The following DNAH11 variants were observed in gnomAD, a reference collection of about 807,000 sequenced individuals.
DNAH11 encodes the protein dynein axonemal heavy chain 11.
Under a neutral mutation model 526.0 loss-of-function variants are expected in DNAH11, and 442 were observed. The observed-to-expected ratio is 0.84, with a 90% CI of 0.78 to 0.91. DNAH11 has a LOEUF of 0.91. Ranked by LOEUF, DNAH11 falls within the 40% of genes least tolerant of loss-of-function variation. DNAH11 has a pLI of 0.00. For missense variants in DNAH11, 6,989 were observed against 5,448.7 expected (o/e 1.28, Z -8.90); for synonymous variants, 2,461 against 1,935.9 (o/e 1.27, Z -7.12).
At chr7:21,727,163 G>A (rs1039158360) in intron 45 of DNAH11, among the ~76,000 whole-genome samples, 6 of 151,828 alleles carry the variant, frequency 4.0e-5, no homozygotes, top group Admixed American at 3.3e-4. Flanking sequence ...TCGATCTCCT[G>A]ACCTCGTGAT....
rs1785576518 is a variant in DNAH11 at position 21,735,690 on chromosome 7, G to A, written c.7491G>A (p.Glu2497=). The change falls in exon 46 of 82, where the codon GAG becomes GAA. Residue 2497 remains glutamate, a synonymous_variant. Coordinates refer to ENST00000409508, the MANE Select transcript of DNAH11 (RefSeq NM_001277115.2). ...CAGCTCGTCTTAGATATTTCATGGA[G>A]TTGTTGCTTGAGAAAGGAAAACCTC... ...TETARLRYFM[E]LLLEKGKPLM... 6.2e-7 allele frequency: 1 copy of A among 1,612,786 alleles called. No individual in the cohort carries two copies. The highest frequency in any genetic ancestry group is 1.3e-5 in the African/African-American group (1 of 75,036).
chr7:21,674,026 TTTTG>T (rs1362326091), intron 30 of DNAH11, among the ~76,000 whole-genome samples: 2 of 105,226 alleles, frequency 1.9e-5, no homozygotes, highest in Non-Finnish European at 1.9e-5. Flanking sequence ...TTCTGTTTTG[TTTTG>T]TGTGTGTGTG....
chr7:21,841,498 C>T (rs1487946428), intron 65 of DNAH11, among the ~76,000 whole-genome samples: 2 of 152,248 alleles, frequency 1.3e-5, no homozygotes, highest in East Asian at 3.9e-4. Context: ...ACACGTTCCC[C>T]ATGTCTGCCT....
At chr7:21,644,865 A>G (rs1162328846) in intron 28 of DNAH11, among the ~76,000 whole-genome samples, 1 of 152,250 alleles carries the variant, frequency 6.6e-6, no homozygotes, top group Non-Finnish European at 1.5e-5. Context: ...AAAATAGAGA[A>G]TCTACTTTCA....
At chr7:21,776,288 A>G (rs1213562574) in intron 56 of DNAH11, among the ~76,000 whole-genome samples, 2 of 152,184 alleles carry the variant, frequency 1.3e-5, no homozygotes, top group Non-Finnish European at 2.9e-5. Context: ...TTCATTAGGT[A>G]TTTGTGCATG....
intron 65 of DNAH11, among the ~76,000 whole-genome samples, chr7:21,840,953 G>A (rs181770073): frequency 2.6e-3 from 390 of 152,250 alleles, no homozygotes; most frequent in African/African-American, 7.7e-3. Flanking sequence ...AGGCCAAGGC[G>A]GGTGGATCAC....
intron 66 of DNAH11, among the ~76,000 whole-genome samples, chr7:21,848,624 G>A (rs748971022): frequency 4.0e-5 from 6 of 148,854 alleles, no homozygotes; most frequent in Non-Finnish European, 6.0e-5. Flanking sequence ...ACTCTCACTC[G>A]CTCTCTCTCT....
At chr7:21,662,998 G>A (rs1165076993) in intron 30 of DNAH11, among the ~76,000 whole-genome samples, 2 of 151,906 alleles carry the variant, frequency 1.3e-5, no homozygotes, top group Non-Finnish European at 2.9e-5. Flanking sequence ...ATGATTCCCA[G>A]TCTCCGTTGT....
intron 25 of DNAH11, among the ~76,000 whole-genome samples, chr7:21,625,488 A>T (rs1045042473): frequency 1.3e-5 from 2 of 152,020 alleles, no homozygotes; most frequent in African/African-American, 4.8e-5. Flanking sequence ...TTGTCTTTGT[A>T]GTCTCTGTTT....
chr7:21,779,455 A>G (rs965269065), intron 57 of DNAH11, among the ~76,000 whole-genome samples: 1 of 152,188 alleles, frequency 6.6e-6, no homozygotes, highest in African/African-American at 2.4e-5. Context: ...GGCAAATTGA[A>G]CAACTCAATT....
rs67137824 is a variant in DNAH11 at position 21,868,034 on chromosome 7, C to T, written c.11839+27C>T. The T allele has an allele frequency of 0.02, 29,262 of 1,464,350 alleles. 4,744 individuals carry two copies. In the African/African-American group the frequency reaches 0.36, roughly 18 times the overall value. 90.7% of individuals were successfully genotyped at this position (1,464,350 alleles called of 1,614,324 possible). A position where few individuals can be genotyped will look rare whatever the true frequency, so the allele number is the denominator to read the frequency against. Reference sequence around the variant, plus strand: ...TGAGTGGCTGGGAGGCTCGCTGGCCCGCCCCTTCTCCCTCCCTCCCTTTCA... The same window carrying T: ...TGAGTGGCTGGGAGGCTCGCTGGCCTGCCCCTTCTCCCTCCCTCCCTTTCA... On this transcript the variant is annotated intron_variant, in intron 72 of 81. Transcript: ENST00000409508.
At position 21,600,067 on chromosome 7, in the gene DNAH11, T is replaced by C. The variant is rs763712822; in HGVS notation, c.2948T>C (p.Met983Thr). The C allele has an allele frequency of 6.3e-7, 1 of 1,598,376 alleles. No homozygotes were observed. Among genetic ancestry groups the C allele is most frequent in the Non-Finnish European group, 8.5e-7 (1 of 1,170,242 alleles). Reference sequence around the variant, plus strand: ...GAAATGTTATGCAATAGTTTTAGAATGTCTGCCCAGATGAACCGAATAGCA... The same window carrying C: ...GAAATGTTATGCAATAGTTTTAGAACGTCTGCCCAGATGAACCGAATAGCA... ...VEEMLCNSFR[M>T]SAQMNRIATH... Residue 983 changes from methionine to threonine, a missense_variant, in exon 15 of 82, where the codon ATG (methionine) becomes ACG (threonine). Met to Thr is a moderately conservative substitution (Grantham distance 81). Transcript: ENST00000409508.
intron 28 of DNAH11, among the ~76,000 whole-genome samples, chr7:21,649,200 A>G (rs1248301956): frequency 6.6e-6 from 1 of 152,346 alleles, no homozygotes; most frequent in Non-Finnish European, 1.5e-5. Flanking sequence ...CAGTATTATA[A>G]GTTAGTACAA....
At chr7:21,618,141 A>G (rs1300722849) in intron 23 of DNAH11, 1 of 161,438 alleles carries the variant, frequency 6.2e-6, no homozygotes, top group African/African-American at 2.4e-5. Flanking sequence ...GCTCCCAGCA[A>G]CTCTGGAGTG....
chr7:21,863,198 C>G (rs533323548), intron 69 of DNAH11, among the ~76,000 whole-genome samples: 1 of 152,090 alleles, frequency 6.6e-6, no homozygotes, highest in African/African-American at 2.4e-5. Flanking sequence ...CTTTTTCTAT[C>G]CAAATGTTAA....
At chr7:21,792,990 T>C (rs1788541092) in intron 61 of DNAH11, among the ~76,000 whole-genome samples, 1 of 152,206 alleles carries the variant, frequency 6.6e-6, no homozygotes, top group Non-Finnish European at 1.5e-5. Flanking sequence ...TTGTTTATTT[T>C]TCTATGTAGG....
chr7:21,874,207 G>C (rs1046138789), intron 74 of DNAH11, among the ~76,000 whole-genome samples: 2 of 137,110 alleles, frequency 1.5e-5, no homozygotes, highest in South Asian at 4.6e-4. Flanking sequence ...AAAAGTTTCA[G>C]TGTAGTGTTT....
In DNAH11 at chr7:21,779,056, G is replaced by T. The variant is rs72657379; in HGVS notation, c.9435G>T (p.Thr3145=). ...TGATCACAAAGATCGGCCTTCAGACGGAGAAAGTGAGCCGGGAAAAGACCA... is the reference window on the plus strand; with the variant it reads ...TGATCACAAAGATCGGCCTTCAGACTGAGAAAGTGAGCCGGGAAAAGACCA... ...EALITKIGLQ[T]EKVSREKTIA... The change falls in exon 57 of 82, where the codon ACG becomes ACT. Residue 3145 remains threonine (T), a synonymous_variant. Coordinates refer to ENST00000409508, the MANE Select transcript of DNAH11 (RefSeq NM_001277115.2). The T allele has an allele frequency of 1.2e-6, 2 of 1,613,350 alleles. No individual in the cohort carries two copies. Among genetic ancestry groups the T allele is most frequent in the Admixed American group, 1.7e-5 (1 of 59,968 alleles).
intron 68 of DNAH11, among the ~76,000 whole-genome samples, chr7:21,858,906 A>G (rs542152141): frequency 2.0e-5 from 3 of 152,346 alleles, no homozygotes; most frequent in South Asian, 4.1e-4. Context: ...AAGTGTAAAT[A>G]TCAGGTTAGT....
Sources: gnomAD v4.1 joint callset for allele counts (sites outside exome capture counted in the v4.1 genomes callset) on GRCh38, gnomAD v4.1.1 for gene constraint, MANE v1.5 for transcripts, NCBI Gene and HGNC (gene_info 2026-07-23, HGNC 2026-07-21) for gene names.